TXLNB: variants seen among roughly 807,000 people sequenced by gnomAD.
The protein encoded by TXLNB is taxilin beta.
Under a neutral mutation model 57.4 loss-of-function variants are expected in TXLNB, and 37 were observed. That is an observed-to-expected ratio of 0.64 (90% confidence interval 0.50 to 0.85). TXLNB has a LOEUF of 0.85. Among genes scored for constraint, TXLNB ranks in the 40% least tolerant of loss-of-function variants. The probability of loss-of-function intolerance (pLI) is 0.00; values close to 1 mark genes in which losing one functional copy is unlikely to be tolerated. For synonymous variants in TXLNB, 302 were observed against 309.6 expected (o/e 0.98, Z 0.26); for missense variants, 848 against 825.6 (o/e 1.03, Z -0.33).
intron 2 of TXLNB, among the ~76,000 whole-genome samples, chr6:139,279,065 A>T (rs1408069040): frequency 6.6e-6 from 1 of 152,208 alleles, no homozygotes; most frequent in Non-Finnish European, 1.5e-5. Context: ...CATGAAAACA[A>T]TTTTTTGTGA....
chr6:139,213,883 A>G, the TXLNB span, among the ~76,000 whole-genome samples: 2 of 151,994 alleles, frequency 1.3e-5, no homozygotes, highest in Non-Finnish European at 2.9e-5. Flanking sequence ...TCTAGAAGAA[A>G]TGGATAAATT....
In TXLNB at chr6:139,281,251, C is replaced by T. The variant is rs572455706; in HGVS notation, c.425-4330G>A. On this transcript the variant is annotated intron_variant, in intron 2 of 9. Coordinates refer to ENST00000358430, the MANE Select transcript of TXLNB (RefSeq NM_153235.4). ...TAGATAACAATGAAAACAAAAGCAACATTGTTTGGATGGCATATTTGTTAT... is the reference window on the plus strand; with the variant it reads ...TAGATAACAATGAAAACAAAAGCAATATTGTTTGGATGGCATATTTGTTAT... Among the ~76,000 whole-genome samples the T allele has an allele frequency of 2.0e-5, 3 of 152,196 alleles. No individual in the cohort carries two copies. In the East Asian group the frequency reaches 5.8e-4, roughly 29 times the overall value.
chr6:139,235,604 GT>G (rs1403395597), downstream of TXLNB, among the ~76,000 whole-genome samples: 1 of 152,112 alleles, frequency 6.6e-6, no homozygotes, highest in Non-Finnish European at 1.5e-5. Context: ...CACAGGGGTG[GT>G]TTCCCCCATG....
chr6:139,233,008 T>A, the TXLNB span, among the ~76,000 whole-genome samples: 19 of 152,188 alleles, frequency 1.2e-4, no homozygotes, highest in African/African-American at 3.9e-4. Flanking sequence ...TGGGTATTTG[T>A]ATTTACATAG....
chr6:139,266,586 G>C (rs1445677272), intron 4 of TXLNB, among the ~76,000 whole-genome samples: 1 of 152,154 alleles, frequency 6.6e-6, no homozygotes, highest in African/African-American at 2.4e-5. Context: ...TGTGAAGACT[G>C]ACTCGAAGAC....
At chr6:139,309,537 T>C in the TXLNB span, among the ~76,000 whole-genome samples, 1 of 152,210 alleles carries the variant, frequency 6.6e-6, no homozygotes, top group Non-Finnish European at 1.5e-5. Context: ...CATGTGACCT[T>C]GTACAAAGAA....
chr6:139,248,126 G>A (rs1776110197), intron 7 of TXLNB, among the ~76,000 whole-genome samples: 1 of 152,210 alleles, frequency 6.6e-6, no homozygotes, highest in Admixed American at 6.5e-5. Context: ...TGTAATGCCA[G>A]CACTTTGGGC....
chr6:139,217,844 G>T, the TXLNB span, among the ~76,000 whole-genome samples: 4 of 146,672 alleles, frequency 2.7e-5, no homozygotes, highest in African/African-American at 1.0e-4. Flanking sequence ...ACTCCAGCCT[G>T]GGCGACAGAG....
intron 7 of TXLNB, chr6:139,255,264 T>G (rs1280729646): frequency 2.5e-6 from 1 of 403,168 alleles, no homozygotes; most frequent in East Asian, 6.1e-5. Flanking sequence ...AAATAAGAAG[T>G]GCTAGATGGG....
chr6:139,255,006 G>A (rs1396842578), intron 7 of TXLNB, among the ~76,000 whole-genome samples: 5 of 152,110 alleles, frequency 3.3e-5, no homozygotes, highest in Non-Finnish European at 7.4e-5. Context: ...TTTTTTAATA[G>A]AGACGGGGTT....
In TXLNB at chr6:139,242,281, GT is replaced by G; in HGVS notation, c.*244del. The G allele has an allele frequency of 2.8e-6, 1 of 360,328 alleles. No homozygotes were observed. Among genetic ancestry groups the G allele is most frequent in the Non-Finnish European group, 4.9e-6 (1 of 202,952 alleles). The allele number at this position is 360,328 out of a possible 1,614,324, so 22.3% of individuals were successfully genotyped here. ...AGGAATATAAATTTGCTATCTGTAT[GT>G]TTTGTTGCCCTTTGGGAAAATTATA... On this transcript the variant is annotated 3_prime_UTR_variant, in exon 10 of 10. Coordinates refer to ENST00000358430, the MANE Select transcript of TXLNB (RefSeq NM_153235.4).
At chr6:139,270,071 T>C (rs148055506) in intron 4 of TXLNB, among the ~76,000 whole-genome samples, 45 of 152,240 alleles carry the variant, frequency 3.0e-4, no homozygotes, top group African/African-American at 9.4e-4. Flanking sequence ...ACACCAAAAA[T>C]GCTGAATCTT....
At chr6:139,226,782 C>G in the TXLNB span, among the ~76,000 whole-genome samples, 1 of 152,166 alleles carries the variant, frequency 6.6e-6, no homozygotes, top group Non-Finnish European at 1.5e-5. Flanking sequence ...AATCCCAGCA[C>G]TTTGGGAGGC....
At chr6:139,253,558 C>T (rs1021888104) in intron 7 of TXLNB, among the ~76,000 whole-genome samples, 18 of 152,008 alleles carry the variant, frequency 1.2e-4, no homozygotes, top group African/African-American at 4.3e-4. Flanking sequence ...GGTCACACAG[C>T]TTCTCGGTAA....
At chr6:139,261,062 T>C (rs1037815837) in intron 5 of TXLNB, among the ~76,000 whole-genome samples, 2 of 152,128 alleles carry the variant, frequency 1.3e-5, no homozygotes, top group Non-Finnish European at 2.9e-5. Flanking sequence ...GCCACACCTT[T>C]TGACCTCTGG....
At chr6:139,193,944 C>T in the TXLNB span, among the ~76,000 whole-genome samples, 1 of 149,194 alleles carries the variant, frequency 6.7e-6, no homozygotes, top group Non-Finnish European at 1.5e-5. Context: ...CGGGTTCACG[C>T]CATTCTCCTG....
chr6:139,212,541 C>A, the TXLNB span, among the ~76,000 whole-genome samples: 1 of 150,898 alleles, frequency 6.6e-6, no homozygotes, highest in Non-Finnish European at 1.5e-5. Flanking sequence ...ATTGTAAAGA[C>A]CATTGAGGCT....
At chr6:139,319,016 C>T in the TXLNB span, among the ~76,000 whole-genome samples, 1 of 145,258 alleles carries the variant, frequency 6.9e-6, no homozygotes, top group African/African-American at 2.6e-5. Flanking sequence ...GATCTCAGCT[C>T]ACTGCAACCT....
chr6:139,230,689 G>T, the TXLNB span, among the ~76,000 whole-genome samples: 1 of 152,166 alleles, frequency 6.6e-6, no homozygotes, highest in South Asian at 2.1e-4. Context: ...GTCACATTGG[G>T]CTGGTGGTGC....
Sources: gnomAD v4.1 joint callset for allele counts (sites outside exome capture counted in the v4.1 genomes callset) on GRCh38, gnomAD v4.1.1 for gene constraint, MANE v1.5 for transcripts, NCBI Gene and HGNC (gene_info 2026-07-23, HGNC 2026-07-21) for gene names.